The following CSMD1 variants were observed in gnomAD, a reference collection of about 807,000 sequenced individuals.
CSMD1 encodes the protein CUB and Sushi multiple domains 1.
Under a neutral mutation model 417.5 loss-of-function variants are expected in CSMD1, and 213 were observed. The observed-to-expected ratio is 0.51, with a 90% CI of 0.46 to 0.57. The LOEUF (loss-of-function observed/expected upper bound fraction) is 0.57, where lower values mean the gene tolerates loss of function less well. Among genes scored for constraint, CSMD1 ranks in the 20% least tolerant of loss-of-function variants. The pLI, the probability that CSMD1 is intolerant of heterozygous loss-of-function variation, is 0.00. For missense variants in CSMD1, 6,923 were observed against 4,529.7 expected (o/e 1.53, Z -15.17); for synonymous variants, 2,862 against 1,736.8 (o/e 1.65, Z -16.11).
intron 3 of CSMD1, among the ~76,000 whole-genome samples, chr8:4,143,835 T>G (rs1224941249): frequency 6.6e-6 from 1 of 151,160 alleles, no homozygotes; most frequent in Non-Finnish European, 1.5e-5. Flanking sequence ...TTCTGGGATT[T>G]AAGTACTTAT....
At chr8:3,747,029 A>G (rs1000743491) in intron 6 of CSMD1, among the ~76,000 whole-genome samples, 4 of 152,234 alleles carry the variant, frequency 2.6e-5, no homozygotes, top group African/African-American at 9.6e-5. Context: ...TTTCATAAAA[A>G]TAACTCACTA....
At chr8:4,130,033 C>T (rs574596045) in intron 3 of CSMD1, among the ~76,000 whole-genome samples, 1 of 152,160 alleles carries the variant, frequency 6.6e-6, no homozygotes, top group East Asian at 1.9e-4. Context: ...ATTTTTATGG[C>T]AGTCTGCTTA....
intron 8 of CSMD1, among the ~76,000 whole-genome samples, chr8:3,589,496 G>A (rs1216450875): frequency 6.6e-6 from 1 of 152,014 alleles, no homozygotes; most frequent in Non-Finnish European, 1.5e-5. Flanking sequence ...TGATCCTGGG[G>A]GAAATTATGC....
chr8:4,876,514 G>T (rs1338450181), intron 1 of CSMD1, among the ~76,000 whole-genome samples: 1 of 152,112 alleles, frequency 6.6e-6, no homozygotes, highest in African/African-American at 2.4e-5. Context: ...AAGACTATGT[G>T]TAAACATTTA....
intron 5 of CSMD1, among the ~76,000 whole-genome samples, chr8:3,768,946 G>A (rs966328848): frequency 2.0e-4 from 31 of 152,214 alleles, no homozygotes; most frequent in African/African-American, 6.5e-4. Flanking sequence ...GCTGTGTTCC[G>A]ATGGAAGGTG....
intron 1 of CSMD1, among the ~76,000 whole-genome samples, chr8:4,830,617 T>A (rs1196646780): frequency 6.6e-6 from 1 of 152,236 alleles, no homozygotes; most frequent in East Asian, 1.9e-4. Context: ...GAACAAACTA[T>A]GACTTGATCG....
intron 29 of CSMD1, among the ~76,000 whole-genome samples, chr8:3,216,547 T>A (rs1008054620): frequency 6.6e-6 from 1 of 152,374 alleles, no homozygotes; most frequent in East Asian, 1.9e-4. Flanking sequence ...TTCTTCTTTA[T>A]GCCACTAATT....
chr8:4,083,658 A>G (rs1305709595), intron 3 of CSMD1, among the ~76,000 whole-genome samples: 1 of 152,154 alleles, frequency 6.6e-6, no homozygotes, highest in Admixed American at 6.5e-5. Context: ...CTGAAACTGG[A>G]TCCCTTCCTT....
chr8:3,124,192 T>C (rs897443710), intron 41 of CSMD1, among the ~76,000 whole-genome samples: 3 of 152,306 alleles, frequency 2.0e-5, no homozygotes, highest in Non-Finnish European at 4.4e-5. Context: ...GTGGTTTTCA[T>C]TATTCATTTA....
chr8:3,818,027 C>A (rs904266052), intron 5 of CSMD1, among the ~76,000 whole-genome samples: 1 of 152,124 alleles, frequency 6.6e-6, no homozygotes, highest in Non-Finnish European at 1.5e-5. Context: ...ACCTTCCAAC[C>A]CCAAACCACG....
At chr8:3,156,267 T>C (rs1218079415) in intron 39 of CSMD1, among the ~76,000 whole-genome samples, 1 of 152,172 alleles carries the variant, frequency 6.6e-6, no homozygotes, top group Non-Finnish European at 1.5e-5. Flanking sequence ...CCCCCAGCAA[T>C]ACTTGAGTGT....
At chr8:4,801,227 C>T (rs970027915) in intron 1 of CSMD1, among the ~76,000 whole-genome samples, 4 of 152,184 alleles carry the variant, frequency 2.6e-5, no homozygotes, top group Non-Finnish European at 5.9e-5. Flanking sequence ...TTATTGCGGC[C>T]ACCTTGAGGA....
At chr8:4,391,690 G>A (rs571206708) in intron 3 of CSMD1, among the ~76,000 whole-genome samples, 5 of 152,128 alleles carry the variant, frequency 3.3e-5, no homozygotes, top group South Asian at 2.1e-4. Context: ...TTAGCTCTTC[G>A]CCACCACCAG....
chr8:4,903,304 A>C (rs1481187351), intron 1 of CSMD1, among the ~76,000 whole-genome samples: 1 of 152,166 alleles, frequency 6.6e-6, no homozygotes, highest in Non-Finnish European at 1.5e-5. Flanking sequence ...ATTTCCATTT[A>C]GCAATTGCTT....
At chr8:3,178,480 G>C (rs1459655845) in intron 37 of CSMD1, among the ~76,000 whole-genome samples, 1 of 152,062 alleles carries the variant, frequency 6.6e-6, no homozygotes, top group Non-Finnish European at 1.5e-5. Context: ...CTTCCTGGTA[G>C]GGTAGTCTGG....
At chr8:4,561,345 G>C (rs1247425917) in intron 2 of CSMD1, among the ~76,000 whole-genome samples, 1 of 152,140 alleles carries the variant, frequency 6.6e-6, no homozygotes, top group African/African-American at 2.4e-5. Context: ...CTGCACTCCA[G>C]CCCGGTGACA....
At chr8:4,230,361 T>C (rs968249894) in intron 3 of CSMD1, among the ~76,000 whole-genome samples, 9 of 152,228 alleles carry the variant, frequency 5.9e-5, no homozygotes, top group Admixed American at 2.0e-4. Flanking sequence ...GAGTAAACTC[T>C]GGTGACCTAC....
At chr8:4,360,687 G>A (rs564389957) in intron 3 of CSMD1, among the ~76,000 whole-genome samples, 1 of 152,036 alleles carries the variant, frequency 6.6e-6, no homozygotes, top group Admixed American at 6.6e-5. Flanking sequence ...TGGACACAGG[G>A]TTTCAACATC....
intron 5 of CSMD1, among the ~76,000 whole-genome samples, chr8:3,875,045 G>A (rs1037916449): frequency 6.6e-6 from 1 of 152,120 alleles, no homozygotes; most frequent in African/African-American, 2.4e-5. Context: ...CATGAGCTGG[G>A]GCGGCTGAAA....
Sources: allele counts gnomAD v4.1 joint callset (sites outside exome capture counted in the v4.1 genomes callset), GRCh38; gene constraint gnomAD v4.1.1; transcripts MANE v1.5; gene names NCBI Gene and HGNC (gene_info 2026-07-23, HGNC 2026-07-21).